Variants in THOC1 observed in about 807,000 individuals in gnomAD.
THOC1 encodes THO complex subunit 1.
In THOC1, 29 loss-of-function variants were observed where a neutral mutation model predicts 97.3. The ratio of observed to expected loss-of-function variants is 0.30; its 90% confidence interval spans 0.22 to 0.41. THOC1 has a LOEUF of 0.41. Ranked by LOEUF, THOC1 falls within the 10% of genes least tolerant of loss-of-function variation. The pLI is 1.00. For synonymous variants in THOC1, 255 were observed against 257.0 expected (o/e 0.99, Z 0.07); for missense variants, 529 against 761.9 (o/e 0.69, Z 3.60).
intron 1 of THOC1, 126 bp downstream of exon 1, chr18:267,840 G>A: frequency 1.0e-6 from 1 of 998,170 alleles, no homozygotes. Flanking sequence ...ACGGGGCCCG[G>A]AGCGGACGCT....
intron 11 of THOC1, chr18:244,849 C>T (rs1912032771): frequency 1.3e-5 from 2 of 151,750 alleles, no homozygotes; most frequent in Admixed American, 1.3e-4. Context: ...CTTTTAACTG[C>T]TCTTCCACTT....
intron 9 of THOC1, among the ~76,000 whole-genome samples, chr18:251,157 G>C (rs1598303066): frequency 6.6e-6 from 1 of 152,146 alleles, no homozygotes; most frequent in Admixed American, 6.5e-5. Context: ...GAGAGTAGGT[G>C]GCATTACTAC....
At chr18:221,854 C>G (rs187775740) in intron 17 of THOC1, among the ~76,000 whole-genome samples, 1 of 152,102 alleles carries the variant, frequency 6.6e-6, no homozygotes, top group Non-Finnish European at 1.5e-5. Flanking sequence ...ATGATCCGCC[C>G]GCCTTGGCCT....
chr18:251,578 G>A (rs1165159056), intron 9 of THOC1, among the ~76,000 whole-genome samples: 2 of 151,320 alleles, frequency 1.3e-5, no homozygotes, highest in East Asian at 1.9e-4. Context: ...AAAAAAAATC[G>A]ATTCCTGGCT....
chr18:233,050 A>T (rs1222211694), intron 11 of THOC1, among the ~76,000 whole-genome samples: 4 of 152,186 alleles, frequency 2.6e-5, no homozygotes, highest in African/African-American at 4.8e-5. Context: ...TTTACATCTT[A>T]ATATTAAATC....
intron 17 of THOC1, among the ~76,000 whole-genome samples, chr18:222,070 TTAC>T (rs1253775339): frequency 6.6e-6 from 1 of 152,302 alleles, no homozygotes; most frequent in African/African-American, 2.4e-5. Context: ...TTTTCTGTAT[TTAC>T]TTTTACCCCT....
Position 214,888 on chromosome 18 carries a change from C to G in THOC1, c.1712G>C (p.Gly571Ala). Reference protein sequence around the residue: ...PDVRRDKPVTGEQIEVFANKL... With the variant: ...PDVRRDKPVTAEQIEVFANKL... ...GTTGGCAAATACCTCTATTTGTTCT[C>G]CTGTTACAGGTTTGTCTCGCCGAAC... The change falls in exon 21 of 21, where the codon GGA becomes GCA. Residue 571 changes from glycine to alanine, a missense_variant. Gly to Ala is a moderately conservative substitution (Grantham distance 60). Coordinates refer to ENST00000261600, the MANE Select transcript of THOC1 (RefSeq NM_005131.3). 6.2e-7 allele frequency: 1 copy of G among 1,613,932 alleles called. No homozygotes were observed. Among genetic ancestry groups the G allele is most frequent in the South Asian group, 1.1e-5 (1 of 91,072 alleles).
At chr18:217,041 T>C (rs1910916000) in intron 18 of THOC1, among the ~76,000 whole-genome samples, 1 of 152,356 alleles carries the variant, frequency 6.6e-6, no homozygotes, top group African/African-American at 2.4e-5. Context: ...CAGGGTGGTA[T>C]ACCATCAGGT....
chr18:258,676 T>C (rs1912509432), intron 7 of THOC1, among the ~76,000 whole-genome samples: 2 of 152,132 alleles, frequency 1.3e-5, no homozygotes, highest in South Asian at 2.1e-4. Flanking sequence ...TTGAACATAC[T>C]GGGGAGGCGG....
intron 18 of THOC1, among the ~76,000 whole-genome samples, chr18:217,026 A>G (rs1451599186): frequency 1.3e-5 from 2 of 152,250 alleles, no homozygotes; most frequent in African/African-American, 4.8e-5. Context: ...AAGTATAACA[A>G]TGATCAGGGT....
At chr18:224,848 G>A (rs1298353641) in intron 15 of THOC1, 76 bp downstream of exon 15, 8 of 1,149,614 alleles carry the variant, frequency 7.0e-6, no homozygotes, top group African/African-American at 6.2e-5. Context: ...TAATCATATC[G>A]GAGCACATTT....
At chr18:238,102 G>T (rs372398570) in intron 11 of THOC1, among the ~76,000 whole-genome samples, 11 of 152,248 alleles carry the variant, frequency 7.2e-5, no homozygotes, top group African/African-American at 2.6e-4. Flanking sequence ...CTGACCTCAA[G>T]TGATTTGCCC....
chr18:238,112 C>A (rs899190702), intron 11 of THOC1, among the ~76,000 whole-genome samples: 1 of 152,122 alleles, frequency 6.6e-6, no homozygotes, highest in Non-Finnish European at 1.5e-5. Context: ...GTGATTTGCC[C>A]ACCTTGGCCT....
Position 252,761 on chromosome 18 carries a change from G to A in THOC1, c.604-149C>T, listed in dbSNP as rs531307104. ...AACTATCTAGACCTATAGTTAATCT[G>A]TAAGGCAATCAGAATTTTACCTGAT... On this transcript the variant is annotated intron_variant, in intron 8 of 20. Coordinates refer to ENST00000261600, the MANE Select transcript of THOC1 (RefSeq NM_005131.3). 889 of 653,090 alleles carry A rather than the reference G, an allele frequency of 1.4e-3. 2 individuals are homozygous for A. Among genetic ancestry groups the A allele is most frequent in the Non-Finnish European group, 2.1e-3 (777 of 376,468 alleles). 40.5% of individuals were successfully genotyped at this position (653,090 alleles called of 1,614,324 possible). A position where few individuals can be genotyped will look rare whatever the true frequency, so the allele number is the denominator to read the frequency against.
chr18:224,452 G>A (rs766379084), intron 15 of THOC1, among the ~76,000 whole-genome samples: 9 of 151,658 alleles, frequency 5.9e-5, no homozygotes, highest in Non-Finnish European at 7.4e-5. Context: ...GGTGGTAGGC[G>A]CCTGTAATCC....
At chr18:224,341 G>C in intron 15 of THOC1, 162 bp from the exon 16 acceptor site, 1 of 547,224 alleles carries the variant, frequency 1.8e-6, no homozygotes, top group South Asian at 2.0e-5. Context: ...CACTTTGGGA[G>C]GCTGAGGTAG....
At chr18:232,060 G>T (rs1158383780) in intron 11 of THOC1, among the ~76,000 whole-genome samples, 1 of 152,178 alleles carries the variant, frequency 6.6e-6, no homozygotes, top group Non-Finnish European at 1.5e-5. Flanking sequence ...CAATCTAAAT[G>T]AATGAGGGTG....
chr18:221,788 T>C (rs1271958415), intron 17 of THOC1, among the ~76,000 whole-genome samples: 1 of 152,122 alleles, frequency 6.6e-6, no homozygotes, highest in Non-Finnish European at 1.5e-5. Flanking sequence ...TTTTGTATTT[T>C]TAGTAGAGAC....
At chr18:226,770 T>C (rs1278769382) in intron 12 of THOC1, 31 bp downstream of exon 12, 6 of 1,528,938 alleles carry the variant, frequency 3.9e-6, no homozygotes, top group Non-Finnish European at 5.4e-6. Context: ...GGCTACTGTT[T>C]ACAAATTGTT....
Sources: gnomAD v4.1 joint callset for allele counts (sites outside exome capture counted in the v4.1 genomes callset) on GRCh38, gnomAD v4.1.1 for gene constraint, MANE v1.5 for transcripts, NCBI Gene and HGNC (gene_info 2026-07-23, HGNC 2026-07-21) for gene names.